Variants in ZNF618 observed in about 807,000 individuals in gnomAD.
The protein encoded by ZNF618 is zinc finger protein 618.
Under a neutral mutation model 103.0 loss-of-function variants are expected in ZNF618, and 34 were observed. That is an observed-to-expected ratio of 0.33 (90% CI 0.25 to 0.44). The LOEUF is 0.44. Ranked by LOEUF, ZNF618 falls within the 20% of genes least tolerant of loss-of-function variation. The probability of loss-of-function intolerance (pLI) is 1.00; values close to 1 mark genes in which losing one functional copy is unlikely to be tolerated. For missense variants in ZNF618, 1,059 were observed against 1,295.4 expected (o/e 0.82, Z 2.80); for synonymous variants, 551 against 542.2 (o/e 1.02, Z -0.23).
At chr9:114,008,686 C>A in intron 9 of ZNF618, 132 bp downstream of exon 9, 1 of 1,014,826 alleles carries the variant, frequency 9.9e-7, no homozygotes, top group Non-Finnish European at 1.5e-6. Flanking sequence ...CCCAACCTGT[C>A]AGTTGGGCCA....
chr9:113,983,552 T>A (rs1447120613), intron 2 of ZNF618, among the ~76,000 whole-genome samples: 1 of 152,194 alleles, frequency 6.6e-6, no homozygotes, highest in African/African-American at 2.4e-5. Flanking sequence ...GGAATCTGGC[T>A]GGTCACGCAG....
chr9:113,994,464 T>C (rs1456104218), intron 3 of ZNF618, among the ~76,000 whole-genome samples: 2 of 152,210 alleles, frequency 1.3e-5, no homozygotes, highest in African/African-American at 2.4e-5. Flanking sequence ...ACGCTTCCTC[T>C]TGGGGTCTGA....
At chr9:113,943,005 A>G (rs1834684875) in intron 1 of ZNF618, among the ~76,000 whole-genome samples, 1 of 152,202 alleles carries the variant, frequency 6.6e-6, no homozygotes, top group African/African-American at 2.4e-5. Context: ...GGTTGGTTTC[A>G]TCAAGTTGAG....
intron 1 of ZNF618, among the ~76,000 whole-genome samples, chr9:113,928,872 A>G (rs1376984231): frequency 6.6e-6 from 1 of 152,110 alleles, no homozygotes; most frequent in Non-Finnish European, 1.5e-5. Flanking sequence ...CTTCAGAAAA[A>G]TTTCATAGCC....
chr9:113,976,776 A>G (rs771547811), intron 2 of ZNF618, among the ~76,000 whole-genome samples: 5 of 152,128 alleles, frequency 3.3e-5, no homozygotes, highest in Non-Finnish European at 5.9e-5. Flanking sequence ...CATCTTTTTC[A>G]TGGTTAACCT....
intron 1 of ZNF618, among the ~76,000 whole-genome samples, chr9:113,963,321 A>G (rs1314797414): frequency 2.6e-5 from 4 of 152,238 alleles, no homozygotes; most frequent in Non-Finnish European, 5.9e-5. Flanking sequence ...TGATGTTTGT[A>G]CTAACATATA....
chr9:113,992,524 T>G lies in ZNF618; in HGVS notation c.337+3944T>G, dbSNP rs574287690. ...GTCCTGGTCACCGGGCATGGGGGAG[T>G]TAACGTGTTCCTGGGGCACTTGGCG... On this transcript the variant is annotated intron_variant, in intron 3 of 14. Coordinates refer to ENST00000374126, the MANE Select transcript of ZNF618 (RefSeq NM_001318042.2). Among the ~76,000 whole-genome samples the G allele has an allele frequency of 3.3e-5, 5 of 151,968 alleles. No individual in the cohort carries two copies. The East Asian group carries it at 9.7e-4, about 29-fold the overall frequency.
intron 1 of ZNF618, among the ~76,000 whole-genome samples, chr9:113,906,638 CTG>C (rs1831015767): frequency 6.6e-6 from 1 of 152,176 alleles, no homozygotes; most frequent in Admixed American, 6.5e-5. Context: ...GAAATGGAAA[CTG>C]AGAGAGCTGG....
intron 1 of ZNF618, among the ~76,000 whole-genome samples, chr9:113,960,553 A>C (rs2761688): frequency 0.65 from 98,396 of 151,608 alleles, 32,070 homozygotes; most frequent in Admixed American, 0.71. Flanking sequence ...TCCAGACAGG[A>C]ATGATTTATG....
chr9:113,954,489 C>T (rs1286316792), intron 1 of ZNF618, among the ~76,000 whole-genome samples: 1 of 152,200 alleles, frequency 6.6e-6, no homozygotes, highest in African/African-American at 2.4e-5. Flanking sequence ...GTTCTTTAAA[C>T]TCCAAGCTGT....
intron 10 of ZNF618, among the ~76,000 whole-genome samples, chr9:114,025,921 C>G (rs1417046068): frequency 2.6e-5 from 4 of 152,246 alleles, no homozygotes; most frequent in Non-Finnish European, 4.4e-5. Context: ...GTGCCAAACA[C>G]TCTGTGCATG....
chr9:113,876,317 C>T lies in ZNF618; in HGVS notation c.-64C>T. 4 of 1,093,768 alleles carry T rather than the reference C, an allele frequency of 3.7e-6. No individual in the cohort carries two copies. In the South Asian group the frequency reaches 1.7e-4, roughly 47 times the overall value. The allele number at this position is 1,093,768 out of a possible 1,614,324, so 67.8% of individuals were successfully genotyped here. On this transcript the variant is annotated 5_prime_UTR_variant, in exon 1 of 15. Coordinates refer to ENST00000374126, the MANE Select transcript of ZNF618 (RefSeq NM_001318042.2). The stretch of plus-strand genomic sequence containing the variant: ...GCGGCGGCGGCGGCGGCATTGTGCG[C>T]GCACCAGCAGCCCGGCCCGGGAGGA...
chr9:113,949,504 A>C (rs1835343259), intron 1 of ZNF618, among the ~76,000 whole-genome samples: 3 of 152,046 alleles, frequency 2.0e-5, no homozygotes, highest in Non-Finnish European at 4.4e-5. Context: ...ATCCAACTTA[A>C]ATGCCTCTGT....
chr9:114,013,043 T>C (rs1842387329), intron 9 of ZNF618, among the ~76,000 whole-genome samples: 1 of 151,980 alleles, frequency 6.6e-6, no homozygotes, highest in South Asian at 2.1e-4. Context: ...AGGTTACCTA[T>C]ACATGAATTC....
At chr9:113,877,621 CTT>C (rs1006337881) in intron 1 of ZNF618, among the ~76,000 whole-genome samples, 1 of 150,818 alleles carries the variant, frequency 6.6e-6, no homozygotes, top group African/African-American at 2.4e-5. Context: ...GAAATCCTTT[CTT>C]TCTTTTTTTC....
Position 113,947,886 on chromosome 9 carries a change from C to T in ZNF618, c.34-21231C>T, listed in dbSNP as rs1318827288. On this transcript the variant is annotated intron_variant, in intron 1 of 14. Coordinates refer to ENST00000374126, the MANE Select transcript of ZNF618 (RefSeq NM_001318042.2). The stretch of plus-strand genomic sequence containing the variant: ...CCGTGCAAGAAAACCACAGCTGCCT[C>T]AGACTTTGAAGTCCTTTTAAGTTGC... Among the ~76,000 whole-genome samples the T allele has an allele frequency of 3.9e-5, 6 of 152,330 alleles. No homozygotes were observed. In the East Asian group the frequency reaches 7.7e-4, roughly 20 times the overall value.
intron 1 of ZNF618, among the ~76,000 whole-genome samples, chr9:113,894,994 G>A (rs1258084759): frequency 6.6e-6 from 1 of 152,082 alleles, no homozygotes; most frequent in Non-Finnish European, 1.5e-5. Flanking sequence ...GGGATAACAA[G>A]TATTCTTGTA....
intron 1 of ZNF618, among the ~76,000 whole-genome samples, chr9:113,917,464 G>A (rs1832233885): frequency 1.3e-5 from 2 of 151,426 alleles, no homozygotes; most frequent in African/African-American, 4.9e-5. Flanking sequence ...ATGTTGGCCA[G>A]GCTGGTCTTG....
intron 1 of ZNF618, among the ~76,000 whole-genome samples, chr9:113,920,829 A>G (rs1349287456): frequency 6.6e-6 from 1 of 152,258 alleles, no homozygotes; most frequent in Admixed American, 6.5e-5. Flanking sequence ...AGTTTGTGAT[A>G]GTATCAATAG....
Sources: allele counts gnomAD v4.1 joint callset (sites outside exome capture counted in the v4.1 genomes callset), GRCh38; gene constraint gnomAD v4.1.1; transcripts MANE v1.5; gene names NCBI Gene and HGNC (gene_info 2026-07-23, HGNC 2026-07-21).